ZFHX3: variants seen among roughly 807,000 people sequenced by gnomAD.
The protein encoded by ZFHX3 is zinc finger homeobox protein 3.
In ZFHX3, 42 loss-of-function variants were observed where a neutral mutation model predicts 279.1. That is an observed-to-expected ratio of 0.15 (90% CI 0.12 to 0.19). ZFHX3 has a LOEUF of 0.19. Ranked by LOEUF, ZFHX3 falls within the 10% of genes least tolerant of loss-of-function variation. ZFHX3 has a pLI of 1.00. For missense variants in ZFHX3, 4,981 were observed against 4,754.0 expected (o/e 1.05, Z -1.40); for synonymous variants, 2,293 against 1,957.8 (o/e 1.17, Z -4.52).
At chr16:72,955,137 G>A (rs986694764) in intron 2 of ZFHX3, among the ~76,000 whole-genome samples, 1 of 152,180 alleles carries the variant, frequency 6.6e-6, no homozygotes, top group African/African-American at 2.4e-5. Flanking sequence ...CTGGCATAAA[G>A]GATTTGTGGC....
chr16:73,731,619 C>T (rs1402643301), intron 1 of ZFHX3, among the ~76,000 whole-genome samples: 1 of 147,876 alleles, frequency 6.8e-6, no homozygotes, highest in African/African-American at 2.5e-5. Flanking sequence ...TATAGCAGCT[C>T]ACACACATAA....
intron 4 of ZFHX3, among the ~76,000 whole-genome samples, chr16:73,291,277 G>T (rs1285001405): frequency 6.6e-6 from 1 of 152,130 alleles, no homozygotes; most frequent in African/African-American, 2.4e-5. Flanking sequence ...TGATGTCTCT[G>T]GCTGCCTAGG....
At chr16:73,675,433 A>G (rs113834035) in intron 2 of ZFHX3, among the ~76,000 whole-genome samples, 55 of 152,130 alleles carry the variant, frequency 3.6e-4, no homozygotes, top group Non-Finnish European at 6.9e-4. Context: ...TCATTCATTC[A>G]TTTGTTCATT....
Position 72,793,506 on chromosome 16 carries a change from T to C in ZFHX3, c.9176A>G (p.Gln3059Arg). 1 of 1,614,226 alleles carries C rather than the reference T, an allele frequency of 6.2e-7. No individual in the cohort carries two copies. The change falls in exon 9 of 10, where the codon CAG becomes CGG. Residue 3059 changes from glutamine (Q) to arginine (R), a missense_variant. This residue lies in a region of ZFHX3 where 168 missense variants were observed against 249.1 expected (regional missense o/e 0.67). Transcript: ENST00000268489. This position sits in a 1 kb window ranked among gnomAD's most constrained non-coding sequence, Gnocchi z 4.3. Reference protein sequence around the residue: ...ISKVKDTIGSQLDKEKEYFDP... With the variant: ...ISKVKDTIGSRLDKEKEYFDP... ...AAAGTATTCTTTCTCCTTGTCCAGC[T>C]GGCTTCCAATGGTGTCTTTAACTTT...
At position 73,362,291 on chromosome 16, in the gene ZFHX3, C is replaced by T. The variant is rs144038261; in HGVS notation, c.-1290-43955G>A. The stretch of plus-strand genomic sequence containing the variant: ...ACGGGACATGGGGGCTTCCAGAGTT[C>T]CCCCCATTATCTACTTTGGAATCTC... On this transcript the variant is annotated intron_variant, in intron 3 of 17. Transcript: ENST00000641206. Among the ~76,000 whole-genome samples the T allele has an allele frequency of 5.2e-3, 798 of 152,252 alleles. 11 individuals carry two copies. The highest frequency in any genetic ancestry group is 0.039 in the East Asian group (202 of 5,172).
chr16:72,807,079 T>C (rs892422938), intron 7 of ZFHX3: 10 of 152,198 alleles, frequency 6.6e-5, no homozygotes, highest in African/African-American at 2.2e-4. Flanking sequence ...GACAGAAACA[T>C]GGGCCCCATG....
intron 4 of ZFHX3, among the ~76,000 whole-genome samples, chr16:73,310,412 T>C (rs1314445597): frequency 6.6e-6 from 1 of 152,254 alleles, no homozygotes; most frequent in Non-Finnish European, 1.5e-5. Flanking sequence ...ATTCCTTTGC[T>C]GTCTGCACTC....
rs372741038 is a variant in ZFHX3, at chr16:72,788,134, CGCTGCT to C, written c.10136_10141del (p.Gln3379_Gln3380del). 1.9e-4 allele frequency: 307 copies of C among 1,596,484 alleles called. No individual in the cohort carries two copies. In the East Asian group the frequency reaches 3.9e-3, roughly 20 times the overall value. On this transcript the variant is annotated inframe_deletion, in exon 10 of 10. Coordinates refer to ENST00000268489, the MANE Select transcript of ZFHX3 (RefSeq NM_006885.4). Reference sequence around the variant, plus strand: ...TTGCTGCTGCTGCTGCTGTAGTTGCCGCTGCTGCTGCTGCTGAATTGCCTCCTGCAG... The same window carrying C: ...TTGCTGCTGCTGCTGCTGTAGTTGCCGCTGCTGCTGAATTGCCTCCTGCAG...
chr16:72,964,136 C>A (rs529345939), intron 1 of ZFHX3, among the ~76,000 whole-genome samples: 1 of 152,330 alleles, frequency 6.6e-6, no homozygotes, highest in East Asian at 1.9e-4. Flanking sequence ...TACAGGCGAC[C>A]AGGCAGCATA....
rs770703902 is a variant in ZFHX3, at chr16:72,958,455, G to T, written c.1691C>A (p.Ala564Glu). ...AAAGCTTAAACGATTCCTCCTGTTC[G>T]CACCATCAAAGACAACAAAGGAAGA... ...SASSFVVFDGANRRNRLSFNS... is the reference protein window; with the variant it reads ...SASSFVVFDGENRRNRLSFNS... Residue 564 changes from alanine (A) to glutamate (E), a missense_variant, in exon 2 of 10, where the codon GCG becomes GAG. Physicochemically the swap from Ala to Glu is moderately radical, Grantham distance 107. Transcript: ENST00000268489. The T allele has an allele frequency of 6.2e-7, 1 of 1,614,066 alleles. No homozygotes were observed. The highest frequency in any genetic ancestry group is 8.5e-7 in the Non-Finnish European group (1 of 1,180,032).
At chr16:73,823,546 A>G (rs1960812492) in intron 1 of ZFHX3, among the ~76,000 whole-genome samples, 1 of 152,246 alleles carries the variant, frequency 6.6e-6, no homozygotes, top group Non-Finnish European at 1.5e-5. Flanking sequence ...GGGTTGACCA[A>G]CTATGGCCCC....
intron 1 of ZFHX3, among the ~76,000 whole-genome samples, chr16:73,042,838 C>T (rs747668096): frequency 6.6e-5 from 10 of 152,090 alleles, no homozygotes; most frequent in Non-Finnish European, 1.5e-4. Context: ...GTGATCCATA[C>T]ATTCCTAACT....
chr16:73,754,129 A>C lies in ZFHX3; in HGVS notation c.-1607-73889T>G, dbSNP rs576217295. Among the ~76,000 whole-genome samples the C allele has an allele frequency of 5.9e-5, 9 of 152,242 alleles. No homozygotes were observed. The East Asian group carries it at 1.7e-3, about 29-fold the overall frequency. ...ACCATGTTGGCAGACAGCTAGGAACACAGTAGGTTCTCCCAAACTTACTGA... is the reference window on the plus strand; with the variant it reads ...ACCATGTTGGCAGACAGCTAGGAACCCAGTAGGTTCTCCCAAACTTACTGA... On this transcript the variant is annotated intron_variant, in intron 1 of 17. Transcript: ENST00000641206.
At chr16:73,162,630 T>A (rs2144857727) in intron 5 of ZFHX3, among the ~76,000 whole-genome samples, 1 of 152,156 alleles carries the variant, frequency 6.6e-6, no homozygotes, top group Non-Finnish European at 1.5e-5. Context: ...CCCGGCTAAT[T>A]TTTGTATTGT....
chr16:73,305,076 AT>A (rs1164272198), intron 4 of ZFHX3, among the ~76,000 whole-genome samples: 4 of 95,560 alleles, frequency 4.2e-5, no homozygotes, highest in Admixed American at 8.4e-5. Context: ...AAAATAAAAA[AT>A]TAAAAAAAAA....
chr16:73,531,714 CAAAAAA>C lies in ZFHX3; in HGVS notation c.-1546-75462_-1546-75457del, dbSNP rs34119200. Among the ~76,000 whole-genome samples, 223 of 81,134 alleles carry C rather than the reference CAAAAAA, an allele frequency of 2.7e-3. 1 individual carries two copies. The highest frequency in any genetic ancestry group is 4.1e-3 in the Non-Finnish European group (177 of 43,426). The allele number at this position is 81,134 out of a possible 152,430, so 53.2% of individuals were successfully genotyped here. On this transcript the variant is annotated intron_variant, in intron 2 of 17. Coordinates refer to the ZFHX3 transcript ENST00000641206. ...TGGGTGACAGACCAAAACCCTGTCT[CAAAAAA>C]AAAAAAAAAAAAAAAAAGAATATTT... is the stretch of plus-strand genomic sequence containing the variant.
In ZFHX3 at chr16:72,986,315, G is replaced by A. The variant is rs563032734; in HGVS notation, c.-49-26121C>T. 1.4e-4 allele frequency among the ~76,000 whole-genome samples: 22 copies of A among 152,244 alleles called. No homozygotes were observed. In the South Asian group the frequency reaches 3.5e-3, roughly 24 times the overall value. ...CATGTGATAATTATGGGGTTTTATCGATGGAGGGGGGCTGCTCAGGGCTCC... is the reference window on the plus strand; with the variant it reads ...CATGTGATAATTATGGGGTTTTATCAATGGAGGGGGGCTGCTCAGGGCTCC... On this transcript the variant is annotated intron_variant, in intron 1 of 9. Transcript: ENST00000268489.
chr16:72,794,082 G>T lies in ZFHX3; in HGVS notation c.8600C>A (p.Ser2867Tyr). The change falls in exon 9 of 10, where the codon TCC becomes TAC. Residue 2867 changes from serine (S) to tyrosine (Y), a missense_variant. By Grantham distance (144) the Ser-to-Tyr change is moderately radical. Coordinates refer to ENST00000268489, the MANE Select transcript of ZFHX3 (RefSeq NM_006885.4). This position sits in a 1 kb window ranked among gnomAD's most constrained non-coding sequence, Gnocchi z 4.2. The part of the protein sequence containing the change: ...SATGIATETK[S>Y]SSAPNEGLTK... ...CAACCCTTCGTTGGGTGCAGAAGAGGATTTGGTTTCAGTTGCTATTCCCGT... is the reference window on the plus strand; with the variant it reads ...CAACCCTTCGTTGGGTGCAGAAGAGTATTTGGTTTCAGTTGCTATTCCCGT... 6.2e-7 allele frequency: 1 copy of T among 1,614,214 alleles called. No homozygotes were observed. Among genetic ancestry groups the T allele is most frequent in the Non-Finnish European group, 8.5e-7 (1 of 1,180,040 alleles).
At chr16:73,152,976 G>A (rs1326872479) in intron 5 of ZFHX3, among the ~76,000 whole-genome samples, 1 of 152,132 alleles carries the variant, frequency 6.6e-6, no homozygotes, top group Non-Finnish European at 1.5e-5. Context: ...TTGCTGTGAA[G>A]GGGGAGGGGT....
Sources: allele counts gnomAD v4.1 joint callset (sites outside exome capture counted in the v4.1 genomes callset), GRCh38; gene constraint gnomAD v4.1.1; regional missense constraint gnomAD v4.1.1; non-coding constraint Gnocchi (gnomAD v3.1); transcripts MANE v1.5; gene names NCBI Gene and HGNC (gene_info 2026-07-23, HGNC 2026-07-21).